The following PDGFD variants were observed in gnomAD, a reference collection of about 807,000 sequenced individuals.
The protein encoded by PDGFD is platelet derived growth factor D, also known as platelet-derived growth factor D.
A neutral mutation model predicts 44.7 loss-of-function variants in PDGFD; 30 were observed. The observed-to-expected ratio is 0.67, with a 90% CI of 0.50 to 0.91. PDGFD has a LOEUF of 0.91. PDGFD is among the 40% of genes least tolerant of loss of function. The probability of loss-of-function intolerance (pLI) is 0.00; values close to 1 mark genes in which losing one functional copy is unlikely to be tolerated. For synonymous variants in PDGFD, 173 were observed against 168.4 expected (o/e 1.03, Z -0.21); for missense variants, 445 against 457.8 (o/e 0.97, Z 0.25).
chr11:103,942,443 A>T (rs1317591680), intron 5 of PDGFD, among the ~76,000 whole-genome samples: 1 of 151,970 alleles, frequency 6.6e-6, no homozygotes, highest in Non-Finnish European at 1.5e-5. Flanking sequence ...CTGGATATTT[A>T]TTTTTTTAGT....
At position 104,077,605 on chromosome 11, in the gene PDGFD, T is replaced by C. The variant is rs1860978573; in HGVS notation, c.125-77350A>G. 3.3e-5 allele frequency among the ~76,000 whole-genome samples: 5 copies of C among 152,160 alleles called. 1 individual carries two copies. In the South Asian group the frequency reaches 6.2e-4, roughly 19 times the overall value. On this transcript the variant is annotated intron_variant, in intron 1 of 6. Transcript: ENST00000393158. ...TCCAAAAGAGAATTAGCATTAAACA[T>C]GTACAGAGGAAGAAAATTTTACTTC...
intron 1 of PDGFD, among the ~76,000 whole-genome samples, chr11:104,066,100 AG>A (rs1345805852): frequency 6.6e-6 from 1 of 152,202 alleles, no homozygotes; most frequent in East Asian, 1.9e-4. Flanking sequence ...TGAAACATAA[AG>A]CAGCAGCAGC....
At chr11:104,106,497 T>C (rs1352841811) in intron 1 of PDGFD, among the ~76,000 whole-genome samples, 1 of 152,186 alleles carries the variant, frequency 6.6e-6, no homozygotes, top group Non-Finnish European at 1.5e-5. Context: ...CAAAACCATC[T>C]TGGGTGAGAT....
chr11:104,089,839 T>C (rs1861185142), intron 1 of PDGFD, among the ~76,000 whole-genome samples: 1 of 152,208 alleles, frequency 6.6e-6, no homozygotes, highest in Non-Finnish European at 1.5e-5. Context: ...TCACAACAAA[T>C]TGAACACTAC....
intron 1 of PDGFD, among the ~76,000 whole-genome samples, chr11:104,144,903 T>C (rs1862141671): frequency 6.6e-6 from 1 of 152,176 alleles, no homozygotes; most frequent in African/African-American, 2.4e-5. Flanking sequence ...ATCACTGTAT[T>C]AACATATTGT....
intron 3 of PDGFD, among the ~76,000 whole-genome samples, chr11:103,975,908 T>C (rs1279796830): frequency 1.3e-5 from 2 of 152,196 alleles, no homozygotes; most frequent in African/African-American, 4.8e-5. Context: ...CCTTGTAGTA[T>C]AGTTTGAAGC....
At chr11:104,073,286 T>A (rs1860906955) in intron 1 of PDGFD, among the ~76,000 whole-genome samples, 1 of 152,180 alleles carries the variant, frequency 6.6e-6, no homozygotes, top group Admixed American at 6.5e-5. Context: ...CTGTAATAAT[T>A]GCAATTTAAA....
At chr11:104,134,898 C>T (rs1236033463) in intron 1 of PDGFD, among the ~76,000 whole-genome samples, 11 of 152,132 alleles carry the variant, frequency 7.2e-5, no homozygotes, top group Admixed American at 7.2e-4. Context: ...TTCATGACTT[C>T]CTACCTCACT....
intron 1 of PDGFD, among the ~76,000 whole-genome samples, chr11:104,007,311 C>T (rs952430546): frequency 6.6e-6 from 1 of 152,176 alleles, no homozygotes; most frequent in South Asian, 2.1e-4. Flanking sequence ...AGTCTCACCC[C>T]TTATCCAGCT....
chr11:103,950,394 C>CAAAAAA (rs375762671), intron 3 of PDGFD, among the ~76,000 whole-genome samples: 2 of 107,782 alleles, frequency 1.9e-5, no homozygotes, highest in Non-Finnish European at 3.9e-5. Flanking sequence ...ACTAATAATA[C>CAAAAAA]AAAAAAAAAA....
chr11:103,944,122 T>C (rs1335286004), intron 4 of PDGFD, among the ~76,000 whole-genome samples: 1 of 152,178 alleles, frequency 6.6e-6, no homozygotes, highest in Non-Finnish European at 1.5e-5. Context: ...AGATGATGTG[T>C]GAGCAATGTA....
rs180980847 is a variant in PDGFD at position 104,131,027 on chromosome 11, G to C, written c.124+32777C>G. ...GCTCTTTTGGATTTATGTAGACAAT[G>C]ATTTTTATCATATGTCACCTTGTAC... On this transcript the variant is annotated intron_variant, in intron 1 of 6. Transcript: ENST00000393158. 1.4e-3 allele frequency among the ~76,000 whole-genome samples: 210 copies of C among 152,196 alleles called. 1 individual carries two copies. The highest frequency in any genetic ancestry group is 4.7e-3 in the African/African-American group (197 of 41,560).
Position 103,996,663 on chromosome 11 carries a change from C to T in PDGFD, c.330-418G>A, listed in dbSNP as rs182128647. Among the ~76,000 whole-genome samples the T allele has an allele frequency of 1.4e-4, 21 of 152,220 alleles. No individual in the cohort carries two copies. The East Asian group carries it at 3.1e-3, about 22-fold the overall frequency. On this transcript the variant is annotated intron_variant, in intron 2 of 6. Transcript: ENST00000393158. ...CCACTCTGAATTAATTTACTGCATT[C>T]GGTGCTTTCTTGAGAAAGTAAATGA... is the stretch of plus-strand genomic sequence containing the variant.
intron 1 of PDGFD, among the ~76,000 whole-genome samples, chr11:104,063,005 A>C (rs976009966): frequency 1.6e-4 from 24 of 152,232 alleles, no homozygotes; most frequent in Non-Finnish European, 3.1e-4. Flanking sequence ...GTTTTGAGTT[A>C]TATAAACACT....
chr11:104,058,963 C>A (rs1344822593), intron 1 of PDGFD, among the ~76,000 whole-genome samples: 4 of 152,098 alleles, frequency 2.6e-5, no homozygotes, highest in African/African-American at 7.2e-5. Context: ...CTCAGTATTG[C>A]CAGAGCATGA....
chr11:103,918,386 AG>A (rs1243839036), intron 6 of PDGFD, among the ~76,000 whole-genome samples: 7 of 152,170 alleles, frequency 4.6e-5, no homozygotes, highest in Non-Finnish European at 7.3e-5. Context: ...GATGCAGGAG[AG>A]GGAAATTATT....
At chr11:104,089,099 A>G (rs1861175143) in intron 1 of PDGFD, among the ~76,000 whole-genome samples, 1 of 152,218 alleles carries the variant, frequency 6.6e-6, no homozygotes, top group South Asian at 2.1e-4. Flanking sequence ...TGAATCAGAC[A>G]CTGTCTTTAA....
rs1371530044 is a variant in PDGFD, at chr11:104,062,511, A to C, written c.125-62256T>G. ...GTTTTGAATTACAAGTTTTTTTGTT[A>C]GGCTGCAAAAATATCCAAATGGCAG... On this transcript the variant is annotated intron_variant, in intron 1 of 6. Coordinates refer to ENST00000393158, the MANE Select transcript of PDGFD (RefSeq NM_025208.5). Among the ~76,000 whole-genome samples, 7 of 152,228 alleles carry C rather than the reference A, an allele frequency of 4.6e-5. No individual in the cohort carries two copies. In the East Asian group the frequency reaches 1.3e-3, roughly 29 times the overall value.
intron 1 of PDGFD, among the ~76,000 whole-genome samples, chr11:104,100,062 C>T (rs1360887482): frequency 2.0e-5 from 3 of 152,104 alleles, no homozygotes; most frequent in Non-Finnish European, 2.9e-5. Flanking sequence ...AAGTCGACTA[C>T]ATGCATGATG....
Sources: allele counts gnomAD v4.1 joint callset (sites outside exome capture counted in the v4.1 genomes callset), GRCh38; gene constraint gnomAD v4.1.1; transcripts MANE v1.5; gene names NCBI Gene and HGNC (gene_info 2026-07-23, HGNC 2026-07-21).